ROBO1: variants seen among roughly 807,000 people sequenced by gnomAD.
ROBO1 encodes the protein roundabout guidance receptor 1.
Under a neutral mutation model 195.9 loss-of-function variants are expected in ROBO1, and 149 were observed. The ratio of observed to expected loss-of-function variants is 0.76; its 90% confidence interval spans 0.67 to 0.87. The LOEUF is 0.87. ROBO1 is among the 40% of genes least tolerant of loss of function. The pLI, the probability that ROBO1 is intolerant of heterozygous loss-of-function variation, is 0.00. For synonymous variants in ROBO1, 816 were observed against 733.2 expected, an observed-to-expected ratio of 1.11 and a Z score of -1.82; for missense variants, 1,933 against 2,068.3, an observed-to-expected ratio of 0.93 and a Z score of 1.27.
At chr3:79,337,374 C>G (rs1243759655) in intron 2 of ROBO1, among the ~76,000 whole-genome samples, 2 of 152,142 alleles carry the variant, frequency 1.3e-5, no homozygotes, top group African/African-American at 4.8e-5. Flanking sequence ...GAGGCAGTTT[C>G]CCCATATTGT....
chr3:79,006,668 C>T (rs2077628383), intron 3 of ROBO1, among the ~76,000 whole-genome samples: 1 of 73,326 alleles, frequency 1.4e-5, no homozygotes, highest in Non-Finnish European at 2.8e-5. Context: ...CAAGATTCAG[C>T]CAGCCACTCC....
chr3:79,306,660 T>C (rs890576294), intron 2 of ROBO1, among the ~76,000 whole-genome samples: 7 of 152,188 alleles, frequency 4.6e-5, no homozygotes, highest in African/African-American at 1.7e-4. Flanking sequence ...TCCAGGACAA[T>C]AACAGCATTC....
chr3:79,401,445 T>C lies in ROBO1; in HGVS notation c.88+188379A>G, dbSNP rs183739095. Among the ~76,000 whole-genome samples the C allele has an allele frequency of 2.9e-3, 434 of 151,986 alleles. 2 individuals are homozygous for C. The highest frequency in any genetic ancestry group is 9.1e-3 in the African/African-American group (377 of 41,528). On this transcript the variant is annotated intron_variant, in intron 2 of 30. Coordinates refer to ENST00000464233, the MANE Select transcript of ROBO1 (RefSeq NM_002941.4). ...ATAAAAGTGAATTGGGTCTGCTTTT[T>C]CTCTCATGAATAATATTTAATAATA...
At chr3:79,521,279 T>C (rs1221566351) in intron 2 of ROBO1, among the ~76,000 whole-genome samples, 1 of 152,228 alleles carries the variant, frequency 6.6e-6, no homozygotes, top group Non-Finnish European at 1.5e-5. Context: ...CTTAAATGTC[T>C]GACTATTTAT....
intron 3 of ROBO1, among the ~76,000 whole-genome samples, chr3:79,009,210 T>C (rs1406481132): frequency 6.9e-6 from 1 of 144,286 alleles, no homozygotes; most frequent in Non-Finnish European, 1.5e-5. Flanking sequence ...CGCCTCAGCC[T>C]CCCAAAGTGC....
At chr3:78,757,778 C>T (rs1018470689) in intron 4 of ROBO1, among the ~76,000 whole-genome samples, 8 of 152,194 alleles carry the variant, frequency 5.3e-5, no homozygotes, top group African/African-American at 1.9e-4. Flanking sequence ...TAGAAAAAAC[C>T]AAGTCTAAAT....
At chr3:79,521,393 G>T (rs1196839958) in intron 2 of ROBO1, among the ~76,000 whole-genome samples, 1 of 152,076 alleles carries the variant, frequency 6.6e-6, no homozygotes, top group Non-Finnish European at 1.5e-5. Flanking sequence ...TACATTATTG[G>T]TGTGATGGAA....
intron 2 of ROBO1, among the ~76,000 whole-genome samples, chr3:79,451,395 G>A (rs2039437704): frequency 6.6e-6 from 1 of 152,170 alleles, no homozygotes; most frequent in South Asian, 2.1e-4. Context: ...CATCTGAATG[G>A]TGAACTTGCA....
chr3:78,849,450 T>C (rs1022803706), intron 4 of ROBO1, among the ~76,000 whole-genome samples: 5 of 152,248 alleles, frequency 3.3e-5, no homozygotes, highest in African/African-American at 1.2e-4. Flanking sequence ...CACTTTCACA[T>C]GTCTGGCTGA....
intron 2 of ROBO1, among the ~76,000 whole-genome samples, chr3:79,522,638 T>C (rs1229460492): frequency 2.0e-5 from 3 of 152,178 alleles, no homozygotes; most frequent in Non-Finnish European, 4.4e-5. Flanking sequence ...GGGAACTTAA[T>C]AAACCCCTTT....
At chr3:78,713,173 T>C (rs571660065) in intron 8 of ROBO1, among the ~76,000 whole-genome samples, 1 of 152,340 alleles carries the variant, frequency 6.6e-6, no homozygotes, top group East Asian at 1.9e-4. Context: ...ATGTTTGTTC[T>C]TGATCTTTCT....
chr3:79,489,666 A>G (rs970443918), intron 2 of ROBO1, among the ~76,000 whole-genome samples: 17 of 151,602 alleles, frequency 1.1e-4, no homozygotes, highest in South Asian at 1.0e-3. Context: ...AAAAAAAAAA[A>G]AAAGAAAGAA....
At chr3:79,443,947 T>C (rs542377645) in intron 2 of ROBO1, among the ~76,000 whole-genome samples, 1 of 150,336 alleles carries the variant, frequency 6.7e-6, no homozygotes, top group East Asian at 2.0e-4. Context: ...TTCCAGTAAT[T>C]GAAGACAGAA....
intron 5 of ROBO1, among the ~76,000 whole-genome samples, chr3:78,726,392 T>G (rs2082162899): frequency 6.6e-6 from 1 of 152,212 alleles, no homozygotes; most frequent in South Asian, 2.1e-4. Flanking sequence ...TTTGAAAATA[T>G]TGATTTACAG....
At chr3:79,742,258 C>T (rs1317754461) in intron 1 of ROBO1, among the ~76,000 whole-genome samples, 1 of 152,178 alleles carries the variant, frequency 6.6e-6, no homozygotes, top group African/African-American at 2.4e-5. Context: ...TTTCAACAGA[C>T]CCTCCTGTTA....
chr3:79,545,230 G>GA (rs1476314692), intron 2 of ROBO1, among the ~76,000 whole-genome samples: 1 of 152,060 alleles, frequency 6.6e-6, no homozygotes, highest in Non-Finnish European at 1.5e-5. Context: ...AATAGCAACT[G>GA]AAAAAAAGTG....
chr3:78,770,509 A>T (rs1036247820), intron 4 of ROBO1, among the ~76,000 whole-genome samples: 1 of 152,180 alleles, frequency 6.6e-6, no homozygotes, highest in Non-Finnish European at 1.5e-5. Flanking sequence ...TAAGCTCCTT[A>T]TAGATTCTGA....
intron 4 of ROBO1, among the ~76,000 whole-genome samples, chr3:78,753,107 C>T (rs1348505423): frequency 2.6e-5 from 4 of 151,954 alleles, no homozygotes; most frequent in South Asian, 2.1e-4. Context: ...ATGATAACAA[C>T]GTAACATGAA....
intron 4 of ROBO1, among the ~76,000 whole-genome samples, chr3:78,860,326 A>ATATATATATATATATATATATATTTT (rs376853384): frequency 1.1e-5 from 1 of 93,520 alleles, no homozygotes; most frequent in African/African-American, 4.5e-5. Context: ...ATATATATAT[A>ATATATATATATATATATATATATTTT]TTTTTTTTTT....
Sources: gnomAD v4.1 joint callset for allele counts (sites outside exome capture counted in the v4.1 genomes callset) on GRCh38, gnomAD v4.1.1 for gene constraint, MANE v1.5 for transcripts, NCBI Gene and HGNC (gene_info 2026-07-23, HGNC 2026-07-21) for gene names.